CHST5: variants seen among roughly 807,000 people sequenced by gnomAD.
The protein encoded by CHST5 is GST4-alpha.
For synonymous variants in CHST5, 313 were observed against 279.2 expected (o/e 1.12, Z -1.21); for missense variants, 637 against 602.1 (o/e 1.06, Z -0.61).
In CHST5 at chr16:75,529,864, A is replaced by C. The variant is rs1405048474; in HGVS notation, c.521T>G (p.Leu174Arg). 1.2e-6 allele frequency: 2 copies of C among 1,613,556 alleles called. No individual in the cohort carries two copies. The change falls in exon 4 of 4, where the codon CTG becomes CGG. Residue 174 changes from leucine (L) to arginine (R), a missense_variant. Coordinates refer to ENST00000336257, the MANE Select transcript of CHST5 (RefSeq NM_024533.5). ...TISKQDVCKT[L>R]CTRQPFSLAR... is the part of the protein sequence containing the mutation. ...CAGGCTGAATGGCTGCCGCGTGCAC[A>C]GTGTCTTGCATACGTCCTGCTTGCT...
Position 75,533,146 on chromosome 16 carries a change from C to A in CHST5, c.-1314G>T, listed in dbSNP as rs147954079. The A allele has an allele frequency of 1.4e-6, 1 of 702,286 alleles. No individual in the cohort carries two copies. Among genetic ancestry groups the A allele is most frequent in the Non-Finnish European group, 2.6e-6 (1 of 384,844 alleles). 43.5% of individuals were successfully genotyped at this position (702,286 alleles called of 1,614,324 possible). A position where few individuals can be genotyped will look rare whatever the true frequency, so the allele number is the denominator to read the frequency against. On this transcript the variant is annotated 5_prime_UTR_variant, in exon 3 of 4. Transcript: ENST00000336257. Reference sequence around the variant, plus strand: ...GGTGGTTGAATCACTCTATGCCACACAGAGTCTCCAGAAGACCAGTTCCTC... The same window carrying A: ...GGTGGTTGAATCACTCTATGCCACAAAGAGTCTCCAGAAGACCAGTTCCTC...
rs759449704 is a variant in CHST5, at chr16:75,529,789, C to T, written c.596G>A (p.Arg199His). Residue 199 changes from arginine (R) to histidine (H), a missense_variant, in exon 4 of 4, where the codon CGC (arginine) becomes CAC (histidine). Transcript: ENST00000336257. ...SYSHVVLKEV[R>H]FFNLQVLYPL... ...GTAGAGCACCTGCAGGTTGAAGAAG[C>T]GCACCTCCTTGAGCACCACGTGGCT... 43 of 1,613,644 alleles carry T rather than the reference C, an allele frequency of 2.7e-5. No individual in the cohort carries two copies. Among genetic ancestry groups the T allele is most frequent in the Non-Finnish European group, 3.5e-5 (41 of 1,179,916 alleles).
chr16:75,531,743 G>T lies in CHST5; in HGVS notation c.-1256-103C>A, dbSNP rs1361146777. 5 of 801,218 alleles carry T rather than the reference G, an allele frequency of 6.2e-6. No individual in the cohort carries two copies. In the Admixed American group the frequency reaches 9.8e-5, roughly 16 times the overall value. 49.6% of individuals were successfully genotyped at this position (801,218 alleles called of 1,614,324 possible). A position where few individuals can be genotyped will look rare whatever the true frequency, so the allele number is the denominator to read the frequency against. ...AACAGAGCTGTCCTGCCTGCCTTTTGCTTCAGGATAACTCGTAGAGAGACC... is the reference window on the plus strand; with the variant it reads ...AACAGAGCTGTCCTGCCTGCCTTTTTCTTCAGGATAACTCGTAGAGAGACC... On this transcript the variant is annotated intron_variant, in intron 3 of 3. Transcript: ENST00000336257.
intron 2 of CHST5, among the ~76,000 whole-genome samples, chr16:75,534,200 A>G (rs1227164228): frequency 6.7e-6 from 1 of 149,866 alleles, no homozygotes; most frequent in Non-Finnish European, 1.5e-5. Flanking sequence ...AGCTGGGCAG[A>G]GTGGCTCATG....
rs2080520803 is a variant in CHST5, at chr16:75,531,383, A to C, written c.-999T>G. ...TCATTAAAGATAAACAAGTAAATAA[A>C]GTGGACAAAGAACAGCAACTGTTGT... is the stretch of plus-strand genomic sequence containing the variant. On this transcript the variant is annotated 5_prime_UTR_variant, in exon 4 of 4. Transcript: ENST00000336257. 2 of 1,084,482 alleles carry C rather than the reference A, an allele frequency of 1.8e-6. No homozygotes were observed. The highest frequency in any genetic ancestry group is 1.1e-6 in the Non-Finnish European group (1 of 880,684). 67.2% of individuals were successfully genotyped at this position (1,084,482 alleles called of 1,614,324 possible). A position where few individuals can be genotyped will look rare whatever the true frequency, so the allele number is the denominator to read the frequency against.
At position 75,529,181 on chromosome 16, in the gene CHST5, G is replaced by A; in HGVS notation, c.1204C>T (p.Pro402Ser). The A allele has an allele frequency of 6.2e-7, 1 of 1,601,726 alleles. No homozygotes were observed. Among genetic ancestry groups the A allele is most frequent in the Non-Finnish European group, 8.5e-7 (1 of 1,172,670 alleles). Residue 402 changes from proline to serine, a missense_variant, in exon 4 of 4, where the codon CCA (proline) becomes TCA (serine). By Grantham distance (74) the Pro-to-Ser change is moderately conservative. Transcript: ENST00000336257. Reference sequence around the variant, plus strand: ...GGCGATGCCCAGCTGAAGTGGTCTGGGCCTCGTGGCAGCACCAGATCCAGG... The same window carrying A: ...GGCGATGCCCAGCTGAAGTGGTCTGAGCCTCGTGGCAGCACCAGATCCAGG... ...LTLDLVLPRG[P>S]DHFSWASPD
At position 75,528,932 on chromosome 16, in the gene CHST5, G is replaced by A. The variant is rs2080484874; in HGVS notation, c.*217C>T. 1.9e-6 allele frequency: 1 copy of A among 527,622 alleles called. No individual in the cohort carries two copies. Among genetic ancestry groups the A allele is most frequent in the South Asian group, 3.1e-5 (1 of 32,766 alleles). The allele number at this position is 527,622 out of a possible 1,614,324, so 32.7% of individuals were successfully genotyped here. On this transcript the variant is annotated 3_prime_UTR_variant, in exon 4 of 4. Transcript: ENST00000336257. ...GCAAGAGTTGCTTTCCATGAAGAGT[G>A]CACCTGATGAGAAGGCAGCTCCAGA... is the stretch of plus-strand genomic sequence containing the variant.
At position 75,530,643 on chromosome 16, in the gene CHST5, A is replaced by G. The variant is rs565740114; in HGVS notation, c.-259T>C. 2 of 1,345,600 alleles carry G rather than the reference A, an allele frequency of 1.5e-6. No homozygotes were observed. The highest frequency in any genetic ancestry group is 2.9e-5 in the African/African-American group (2 of 68,196). The allele number at this position is 1,345,600 out of a possible 1,614,324, so 83.4% of individuals were successfully genotyped here. A position where few individuals can be genotyped will look rare whatever the true frequency, so the allele number is the denominator to read the frequency against. On this transcript the variant is annotated 5_prime_UTR_variant, in exon 4 of 4. Coordinates refer to ENST00000336257, the MANE Select transcript of CHST5 (RefSeq NM_024533.5). The stretch of plus-strand genomic sequence containing the variant: ...ACAGGCTATCTATCTGTAGAGAGAA[A>G]TACTATGTTTCAAAGAGAACTCCTG...
At chr16:75,535,078 C>T (rs2080551869) in intron 2 of CHST5, 49 bp downstream of exon 2, 1 of 152,402 alleles carries the variant, frequency 6.6e-6, no homozygotes, top group Non-Finnish European at 1.5e-5. Context: ...GGCCCCCAGC[C>T]CAACCGAGTG....
chr16:75,530,389 T>G lies in CHST5; in HGVS notation c.-5A>C. ...GACCCGGGCCCTCATGCCCATCCCA[T>G]GCCCCAATTACTGCCCAGTGCCCTC... is the stretch of plus-strand genomic sequence containing the variant. On this transcript the variant is annotated 5_prime_UTR_variant, in exon 4 of 4. It removes an upstream start codon present in the reference 5' UTR. Coordinates refer to ENST00000336257, the MANE Select transcript of CHST5 (RefSeq NM_024533.5). The G allele has an allele frequency of 6.6e-7, 1 of 1,520,672 alleles. No homozygotes were observed. The highest frequency in any genetic ancestry group is 8.8e-7 in the Non-Finnish European group (1 of 1,130,796). The allele number at this position is 1,520,672 out of a possible 1,614,324, so 94.2% of individuals were successfully genotyped here. A position where few individuals can be genotyped will look rare whatever the true frequency, so the allele number is the denominator to read the frequency against.
Position 75,531,637 on chromosome 16 carries a change from A to C in CHST5, c.-1253T>G, listed in dbSNP as rs2080523438. On this transcript the variant is annotated 5_prime_UTR_variant, in exon 4 of 4. Transcript: ENST00000336257. ...TCACAAATCCATGGGAGATGTCTCG[A>C]CATCTGGCAAAGCAGGAAGGAGAGG... 1.5e-6 allele frequency: 2 copies of C among 1,303,804 alleles called. No individual in the cohort carries two copies. Among genetic ancestry groups the C allele is most frequent in the Non-Finnish European group, 2.0e-6 (2 of 988,730 alleles). 80.8% of individuals were successfully genotyped at this position (1,303,804 alleles called of 1,614,324 possible).
intron 2 of CHST5, among the ~76,000 whole-genome samples, chr16:75,534,770 C>T (rs894336442): frequency 3.3e-5 from 5 of 152,254 alleles, no homozygotes; most frequent in African/African-American, 1.2e-4. Context: ...TCCACTTCCC[C>T]TGAGTCTGGT....
rs911822104 is a variant in CHST5 at position 75,531,332 on chromosome 16, A to C, written c.-948T>G. On this transcript the variant is annotated 5_prime_UTR_variant, in exon 4 of 4. Transcript: ENST00000336257. ...TGAGACTCCGTTTCAAAAAAAAAAA[A>C]AAAAACAACAAAAAAAAAACTTTTG... is the stretch of plus-strand genomic sequence containing the variant. 1.9e-6 allele frequency: 2 copies of C among 1,027,180 alleles called. No homozygotes were observed. The highest frequency in any genetic ancestry group is 1.8e-5 in the African/African-American group (1 of 55,080). The allele number at this position is 1,027,180 out of a possible 1,614,324, so 63.6% of individuals were successfully genotyped here.
Position 75,530,467 on chromosome 16 carries a change from C to A in CHST5, c.-83G>T. Reference sequence around the variant, plus strand: ...CTACCCATTGGACTTCCCAAGACTCCCAAGGTCTCAGTCGAGCACTTTCCC... The same window carrying A: ...CTACCCATTGGACTTCCCAAGACTCACAAGGTCTCAGTCGAGCACTTTCCC... On this transcript the variant is annotated 5_prime_UTR_variant, in exon 4 of 4. The change creates a premature stop within an existing upstream ORF in the 5' untranslated region. Coordinates refer to ENST00000336257, the MANE Select transcript of CHST5 (RefSeq NM_024533.5). 6.9e-7 allele frequency: 1 copy of A among 1,455,010 alleles called. No individual in the cohort carries two copies. Among genetic ancestry groups the A allele is most frequent in the Non-Finnish European group, 9.1e-7 (1 of 1,101,974 alleles). 90.1% of individuals were successfully genotyped at this position (1,455,010 alleles called of 1,614,324 possible).
intron 3 of CHST5, among the ~76,000 whole-genome samples, chr16:75,532,771 T>C (rs2080534302): frequency 6.6e-6 from 1 of 152,248 alleles, no homozygotes; most frequent in Non-Finnish European, 1.5e-5. Flanking sequence ...TCATATTTGC[T>C]GACTTCAATG....
In CHST5 at chr16:75,529,503, G is replaced by T; in HGVS notation, c.882C>A (p.Arg294=). The change falls in exon 4 of 4, where the codon CGC becomes CGA. Residue 294 remains arginine (R), a synonymous_variant. Coordinates refer to ENST00000336257, the MANE Select transcript of CHST5 (RefSeq NM_024533.5). ...PFLRGRYRLV[R]FEDLAREPLA... is the part of the protein sequence containing the mutation. The stretch of plus-strand genomic sequence containing the variant: ...GCGGCTCCCGCGCCAGGTCCTCGAA[G>T]CGCACCAGGCGGTAGCGGCCGCGCA... The T allele has an allele frequency of 6.2e-7, 1 of 1,611,200 alleles. No homozygotes were observed. The highest frequency in any genetic ancestry group is 2.2e-5 in the East Asian group (1 of 44,880).
Position 75,529,282 on chromosome 16 carries a change from TG to T in CHST5, c.1102del (p.Gln368ArgfsTer50). On this transcript the variant is annotated frameshift_variant, in exon 4 of 4. Transcript: ENST00000336257. LOFTEE classifies it low-confidence loss of function (END_TRUNC). ...CTGCAGCGCGCCGGCGCACACCTCC[TG>T]CACGCGCAGGATCTTAGTGAAGGGC... ...ALPFTKILRV[Q>X]EVCAGALQLL... 6.2e-7 allele frequency: 1 copy of T among 1,613,186 alleles called. No individual in the cohort carries two copies. The highest frequency in any genetic ancestry group is 8.5e-7 in the Non-Finnish European group (1 of 1,179,928).
rs1400407043 is a variant in CHST5 at position 75,531,349 on chromosome 16, A to T, written c.-965T>A. On this transcript the variant is annotated 5_prime_UTR_variant, in exon 4 of 4. Transcript: ENST00000336257. The stretch of plus-strand genomic sequence containing the variant: ...AAAAAAAAAAAAAACAACAAAAAAA[A>T]AACTTTTGTCATTAAAGATAAACAA... 4 of 1,057,002 alleles carry T rather than the reference A, an allele frequency of 3.8e-6. No individual in the cohort carries two copies. The highest frequency in any genetic ancestry group is 4.6e-6 in the Non-Finnish European group (4 of 864,812). 65.5% of individuals were successfully genotyped at this position (1,057,002 alleles called of 1,614,324 possible). A position where few individuals can be genotyped will look rare whatever the true frequency, so the allele number is the denominator to read the frequency against.
At chr16:75,531,678 A>G in intron 3 of CHST5, 38 bp from the exon 4 acceptor site, 3 of 1,292,140 alleles carry the variant, frequency 2.3e-6, no homozygotes, top group Non-Finnish European at 3.1e-6. Flanking sequence ...AGAGCCCTAC[A>G]GAGAGACAGC....
Sources: gnomAD v4.1 joint callset for allele counts (sites outside exome capture counted in the v4.1 genomes callset) on GRCh38, gnomAD v4.1.1 for gene constraint, MANE v1.5 for transcripts, NCBI Gene and HGNC (gene_info 2026-07-23, HGNC 2026-07-21) for gene names.